Variants in NCKAP5 observed in about 807,000 individuals in gnomAD.
The protein encoded by NCKAP5 is nck-associated protein 5.
NCKAP5 carries 92 observed loss-of-function variants against 167.0 expected under a neutral mutation model. The observed-to-expected ratio is 0.55, with a 90% CI of 0.47 to 0.66. NCKAP5 has a LOEUF of 0.66. Among genes scored for constraint, NCKAP5 ranks in the 30% least tolerant of loss-of-function variants. NCKAP5 has a pLI of 0.00. For missense variants in NCKAP5, 2,378 were observed against 2,315.0 expected (o/e 1.03, Z -0.56); for synonymous variants, 891 against 877.4 (o/e 1.02, Z -0.27).
intron 8 of NCKAP5, among the ~76,000 whole-genome samples, chr2:132,891,172 G>C (rs1692669811): frequency 6.6e-6 from 1 of 152,166 alleles, no homozygotes; most frequent in South Asian, 2.1e-4. Flanking sequence ...TTAAACGTTT[G>C]GATGGGGCTT....
At chr2:132,789,029 C>T (rs945477812) in intron 13 of NCKAP5, among the ~76,000 whole-genome samples, 1 of 152,156 alleles carries the variant, frequency 6.6e-6, no homozygotes, top group African/African-American at 2.4e-5. Flanking sequence ...AGAAGAGCCA[C>T]CTGAGTGTCC....
At chr2:132,723,863 C>T (rs1274352461) in intron 19 of NCKAP5, among the ~76,000 whole-genome samples, 1 of 152,236 alleles carries the variant, frequency 6.6e-6, no homozygotes, top group Non-Finnish European at 1.5e-5. Context: ...CCAGACGCAT[C>T]CTTTTTAAAC....
chr2:133,259,407 T>G (rs541340530), intron 4 of NCKAP5, among the ~76,000 whole-genome samples: 2 of 152,372 alleles, frequency 1.3e-5, no homozygotes, highest in South Asian at 4.1e-4. Context: ...AACTAATTAC[T>G]ATGAACTCAT....
At chr2:132,745,342 CAAAATACATAGAAAA>C (rs1411830655) in intron 16 of NCKAP5, among the ~76,000 whole-genome samples, 3 of 151,120 alleles carry the variant, frequency 2.0e-5, no homozygotes, top group Non-Finnish European at 3.0e-5. Context: ...ATGATTATCT[CAAAATACATAGAAAA>C]AATCATTTAA....
intron 5 of NCKAP5, among the ~76,000 whole-genome samples, chr2:133,160,997 CAGG>C (rs1225511132): frequency 6.6e-6 from 1 of 152,146 alleles, no homozygotes; most frequent in Non-Finnish European, 1.5e-5. Context: ...GGCCACACAG[CAGG>C]AGATGTGCAG....
chr2:133,464,552 T>A (rs1244779577), intron 3 of NCKAP5, among the ~76,000 whole-genome samples: 1 of 152,024 alleles, frequency 6.6e-6, no homozygotes, highest in Non-Finnish European at 1.5e-5. Flanking sequence ...TAGCCGGGTG[T>A]GGTGGCCGGT....
At chr2:133,088,749 A>G (rs2081077486) in intron 6 of NCKAP5, among the ~76,000 whole-genome samples, 1 of 152,226 alleles carries the variant, frequency 6.6e-6, no homozygotes, top group East Asian at 1.9e-4. Context: ...CAAAGGAGAA[A>G]TAAAAGGGAA....
chr2:133,248,800 T>G (rs992963743), intron 4 of NCKAP5, among the ~76,000 whole-genome samples: 6 of 152,168 alleles, frequency 3.9e-5, no homozygotes, highest in Admixed American at 6.5e-5. Context: ...CTCCGGTTCG[T>G]TCCCCAACCA....
intron 16 of NCKAP5, among the ~76,000 whole-genome samples, chr2:132,734,306 C>A (rs1691306556): frequency 1.3e-5 from 2 of 152,284 alleles, no homozygotes; most frequent in South Asian, 2.1e-4. Flanking sequence ...TTAATTTTAG[C>A]CTACACATAC....
chr2:133,461,581 C>A (rs548855507), intron 3 of NCKAP5, among the ~76,000 whole-genome samples: 2 of 152,168 alleles, frequency 1.3e-5, no homozygotes, highest in Admixed American at 6.5e-5. Context: ...GCTCCACCAT[C>A]CCCTAGGACA....
chr2:132,781,915 G>T, intron 14 of NCKAP5, 25 bp downstream of exon 14: 1 of 1,590,418 alleles, frequency 6.3e-7, no homozygotes, highest in Non-Finnish European at 8.6e-7. Flanking sequence ...CCTCTACATT[G>T]CTACCTGCTT....
At chr2:132,924,520 A>G (rs946402904) in intron 8 of NCKAP5, among the ~76,000 whole-genome samples, 4 of 152,212 alleles carry the variant, frequency 2.6e-5, no homozygotes, top group Admixed American at 1.3e-4. Context: ...AGTATGTCAA[A>G]TCCTAAAATA....
intron 5 of NCKAP5, among the ~76,000 whole-genome samples, chr2:133,204,344 A>G (rs904984627): frequency 6.6e-6 from 1 of 152,250 alleles, no homozygotes; most frequent in Non-Finnish European, 1.5e-5. Context: ...TCATCAAAAC[A>G]TTAAATAAAT....
At chr2:133,330,252 T>A (rs1160827857) in intron 3 of NCKAP5, among the ~76,000 whole-genome samples, 2 of 139,126 alleles carry the variant, frequency 1.4e-5, no homozygotes, top group East Asian at 2.1e-4. Flanking sequence ...GTATTTTTTT[T>A]TTTTTTTTTT....
At chr2:133,638,854 T>G in the NCKAP5 span, among the ~76,000 whole-genome samples, 1 of 116,280 alleles carries the variant, frequency 8.6e-6, no homozygotes, top group African/African-American at 3.4e-5. Context: ...TGAGACTCTA[T>G]CTCAAAAAAA....
At chr2:132,954,614 T>C (rs775306523) in intron 8 of NCKAP5, 43 of 453,298 alleles carry the variant, frequency 9.5e-5, no homozygotes, top group Non-Finnish European at 1.7e-4. Flanking sequence ...CACTGCATCA[T>C]ATTTTTGAAA....
chr2:132,761,774 T>C (rs910894376), intron 16 of NCKAP5, among the ~76,000 whole-genome samples: 5 of 152,234 alleles, frequency 3.3e-5, no homozygotes, highest in Non-Finnish European at 7.3e-5. Flanking sequence ...CATTCTTCTA[T>C]GCTGACAACT....
At chr2:133,519,731 A>T (rs993086024) in intron 2 of NCKAP5, among the ~76,000 whole-genome samples, 1 of 152,232 alleles carries the variant, frequency 6.6e-6, no homozygotes, top group African/African-American at 2.4e-5. Context: ...ACTGTATGGA[A>T]AACAATCCTT....
intron 11 of NCKAP5, among the ~76,000 whole-genome samples, chr2:132,846,357 C>T (rs988184362): frequency 6.6e-6 from 1 of 151,892 alleles, no homozygotes; most frequent in Non-Finnish European, 1.5e-5. Flanking sequence ...CTCACTCTGT[C>T]ACCTTGGCAT....
Sources: allele counts gnomAD v4.1 joint callset (sites outside exome capture counted in the v4.1 genomes callset), GRCh38; gene constraint gnomAD v4.1.1; transcripts MANE v1.5; gene names NCBI Gene and HGNC (gene_info 2026-07-23, HGNC 2026-07-21).